GPATCH2: variants seen among roughly 807,000 people sequenced by gnomAD.
The protein encoded by GPATCH2 is G patch domain-containing protein 2.
A neutral mutation model predicts 58.0 loss-of-function variants in GPATCH2; 51 were observed. The observed-to-expected ratio is 0.88, with a 90% CI of 0.70 to 1.11. The LOEUF is 1.11. Among genes scored for constraint, GPATCH2 ranks in the 50% most tolerant of loss-of-function variants. The pLI is 0.00. For synonymous variants in GPATCH2, 222 were observed against 218.5 expected (o/e 1.02, Z -0.14); for missense variants, 625 against 652.2 (o/e 0.96, Z 0.45).
chr1:217,612,202 G>A (rs984624508), intron 3 of GPATCH2, among the ~76,000 whole-genome samples: 1 of 151,772 alleles, frequency 6.6e-6, no homozygotes, highest in Non-Finnish European at 1.5e-5. Flanking sequence ...ATAGAGAAAA[G>A]AAAAGAAAAA....
intron 5 of GPATCH2, among the ~76,000 whole-genome samples, chr1:217,537,097 T>C (rs1481261869): frequency 2.6e-5 from 4 of 152,248 alleles, no homozygotes; most frequent in Non-Finnish European, 5.9e-5. Flanking sequence ...TAAAATCCTT[T>C]GCATCAAAAA....
chr1:217,539,247 G>C (rs746226541), intron 5 of GPATCH2, among the ~76,000 whole-genome samples: 1 of 151,828 alleles, frequency 6.6e-6, no homozygotes, highest in Non-Finnish European at 1.5e-5. Flanking sequence ...GTTCCAAAAT[G>C]TAAATACCAC....
intron 5 of GPATCH2, among the ~76,000 whole-genome samples, chr1:217,573,265 C>T (rs1666651267): frequency 6.6e-6 from 1 of 152,010 alleles, no homozygotes; most frequent in African/African-American, 2.4e-5. Flanking sequence ...CTGCATTAAC[C>T]AATGTAAGAC....
chr1:217,630,730 A>G, intron 1 of GPATCH2, among the ~76,000 whole-genome samples, 186 bp downstream of exon 1: 1 of 152,216 alleles, frequency 6.6e-6, no homozygotes, highest in East Asian at 1.9e-4. Context: ...TCTTTCACAA[A>G]TCTTTGGCAC....
chr1:217,442,428 T>G (rs1283087331), intron 9 of GPATCH2, among the ~76,000 whole-genome samples: 1 of 152,096 alleles, frequency 6.6e-6, no homozygotes, highest in East Asian at 1.9e-4. Context: ...CACCATGGTA[T>G]GTGTATACCT....
intron 5 of GPATCH2, chr1:217,609,696 C>A: frequency 1.0e-6 from 1 of 968,870 alleles, no homozygotes; most frequent in Non-Finnish European, 1.2e-6. Flanking sequence ...TTATATAAGA[C>A]TTCTCTAAAA....
intron 5 of GPATCH2, among the ~76,000 whole-genome samples, chr1:217,581,950 G>C (rs931773646): frequency 7.2e-6 from 1 of 139,236 alleles, no homozygotes; most frequent in African/African-American, 3.4e-5. Flanking sequence ...GACTCCGTCT[G>C]GGGGGAAGAA....
chr1:217,475,407 C>T (rs1660924144), intron 8 of GPATCH2, among the ~76,000 whole-genome samples: 2 of 151,944 alleles, frequency 1.3e-5, no homozygotes, highest in African/African-American at 2.4e-5. Context: ...CCACTGCACT[C>T]CAGCCTGGGC....
chr1:217,463,053 G>A (rs538090627), intron 8 of GPATCH2, among the ~76,000 whole-genome samples: 1 of 152,244 alleles, frequency 6.6e-6, no homozygotes, highest in South Asian at 2.1e-4. Flanking sequence ...AAGGAAATTT[G>A]TATAAAATAA....
chr1:217,515,600 C>T (rs71645481), intron 5 of GPATCH2, among the ~76,000 whole-genome samples: 87,518 of 151,646 alleles, frequency 0.58, 26,472 homozygotes, highest in East Asian at 0.84. Context: ...CCCAGCTACT[C>T]GGGAGGCTGA....
chr1:217,565,363 C>G (rs1010338542), intron 5 of GPATCH2, among the ~76,000 whole-genome samples: 1 of 151,974 alleles, frequency 6.6e-6, no homozygotes, highest in African/African-American at 2.4e-5. Context: ...CAGAAAAATT[C>G]CTAAGTAGAG....
chr1:217,611,452 T>C (rs1023737149), intron 3 of GPATCH2, among the ~76,000 whole-genome samples: 12 of 152,316 alleles, frequency 7.9e-5, no homozygotes, highest in African/African-American at 2.6e-4. Context: ...CAAAATATTA[T>C]GTTTTAGAAC....
At chr1:217,587,036 C>A (rs1179103817) in intron 5 of GPATCH2, among the ~76,000 whole-genome samples, 2 of 152,254 alleles carry the variant, frequency 1.3e-5, no homozygotes, top group East Asian at 3.9e-4. Context: ...AGCCTTGGAA[C>A]TACTGATGGT....
chr1:217,546,687 C>T (rs1479209391), intron 5 of GPATCH2, among the ~76,000 whole-genome samples: 2 of 152,158 alleles, frequency 1.3e-5, no homozygotes, highest in African/African-American at 4.8e-5. Flanking sequence ...AGGACATAGC[C>T]ATGGGCAGAC....
At chr1:217,493,487 C>G (rs1328108203) in intron 7 of GPATCH2, among the ~76,000 whole-genome samples, 1 of 151,934 alleles carries the variant, frequency 6.6e-6, no homozygotes, top group Non-Finnish European at 1.5e-5. Context: ...TGCACTGTGT[C>G]TGGAGCATTT....
chr1:217,484,472 T>C (rs1312513451), intron 8 of GPATCH2, among the ~76,000 whole-genome samples: 1 of 151,372 alleles, frequency 6.6e-6, no homozygotes. Flanking sequence ...GTCTCCAGCT[T>C]GTCAGCTGAA....
At chr1:217,516,159 G>C (rs1390397612) in intron 5 of GPATCH2, among the ~76,000 whole-genome samples, 1 of 150,812 alleles carries the variant, frequency 6.6e-6, no homozygotes, top group African/African-American at 2.4e-5. Flanking sequence ...GTACAAGAAT[G>C]AATCTATCAG....
intron 5 of GPATCH2, among the ~76,000 whole-genome samples, chr1:217,577,773 A>G (rs1666874653): frequency 1.3e-5 from 2 of 151,884 alleles, no homozygotes; most frequent in African/African-American, 4.8e-5. Context: ...TTGAGATGGA[A>G]TTTTGCTCCT....
At chr1:217,453,748 GGGCTGACAA>G (rs1558403063) in intron 8 of GPATCH2, among the ~76,000 whole-genome samples, 1 of 152,080 alleles carries the variant, frequency 6.6e-6, no homozygotes, top group African/African-American at 2.4e-5. Flanking sequence ...CTTTTGACAC[GGGCTGACAA>G]GGACCGAAGC....
Sources: gnomAD v4.1 joint callset for allele counts (sites outside exome capture counted in the v4.1 genomes callset) on GRCh38, gnomAD v4.1.1 for gene constraint, MANE v1.5 for transcripts, NCBI Gene and HGNC (gene_info 2026-07-23, HGNC 2026-07-21) for gene names.